Variants in EYA4 observed in about 807,000 individuals in gnomAD.
EYA4 encodes the protein protein phosphatase EYA4.
EYA4 carries 31 observed loss-of-function variants against 87.9 expected under a neutral mutation model. The observed-to-expected ratio is 0.35, with a 90% CI of 0.27 to 0.48. EYA4 has a LOEUF of 0.48. Among genes scored for constraint, EYA4 ranks in the 20% least tolerant of loss-of-function variants. The pLI is 0.99. For missense variants in EYA4, 678 were observed against 761.4 expected, an observed-to-expected ratio of 0.89 and a Z score of 1.29; for synonymous variants, 263 against 270.6, an observed-to-expected ratio of 0.97 and a Z score of 0.28.
intron 3 of EYA4, among the ~76,000 whole-genome samples, chr6:133,405,185 G>C (rs1408807830): frequency 6.6e-6 from 1 of 152,004 alleles, no homozygotes; most frequent in East Asian, 1.9e-4. Context: ...CTCCCTAACT[G>C]GACTTTGAGT....
intron 3 of EYA4, among the ~76,000 whole-genome samples, chr6:133,394,686 G>A (rs1446345845): frequency 6.6e-6 from 1 of 152,050 alleles, no homozygotes; most frequent in African/African-American, 2.4e-5. Flanking sequence ...GGAATATATC[G>A]AAAATGTTTA....
intron 9 of EYA4, among the ~76,000 whole-genome samples, chr6:133,463,963 T>G (rs144464761): frequency 0.014 from 1,701 of 122,700 alleles, 13 homozygotes; most frequent in Non-Finnish European, 0.02. Flanking sequence ...ACAGACAGTA[T>G]TTTTTTTTTT....
chr6:133,336,447 G>C (rs764895517), intron 2 of EYA4, among the ~76,000 whole-genome samples: 1 of 152,130 alleles, frequency 6.6e-6, no homozygotes, highest in Non-Finnish European at 1.5e-5. Context: ...CCACAATCAA[G>C]CCTCTAAACA....
At chr6:133,385,614 A>G (rs566281860) in intron 3 of EYA4, among the ~76,000 whole-genome samples, 1 of 152,282 alleles carries the variant, frequency 6.6e-6, no homozygotes, top group African/African-American at 2.4e-5. Context: ...CCTAAAGCTA[A>G]TATCATTCAT....
intron 16 of EYA4, among the ~76,000 whole-genome samples, chr6:133,513,650 T>C (rs1799351290): frequency 6.6e-6 from 1 of 152,168 alleles, no homozygotes; most frequent in Admixed American, 6.5e-5. Context: ...ATTTTACAGG[T>C]GATATCAAAA....
intron 11 of EYA4, 141 bp downstream of exon 11, chr6:133,468,872 A>G: frequency 1.2e-6 from 1 of 839,932 alleles, no homozygotes. Flanking sequence ...ATGACTGTGT[A>G]AGACGAGGCT....
At chr6:133,388,065 G>A (rs988389830) in intron 3 of EYA4, among the ~76,000 whole-genome samples, 3 of 152,054 alleles carry the variant, frequency 2.0e-5, no homozygotes, top group African/African-American at 7.3e-5. Flanking sequence ...TCAGATAATT[G>A]TCTGTGGTGT....
chr6:133,374,539 A>G (rs2128468414), intron 2 of EYA4, among the ~76,000 whole-genome samples: 1 of 152,106 alleles, frequency 6.6e-6, no homozygotes, highest in Admixed American at 6.6e-5. Context: ...CACTTAGAGT[A>G]TTTGATAGTA....
At chr6:133,379,949 C>T (rs961369238) in intron 2 of EYA4, among the ~76,000 whole-genome samples, 1 of 152,160 alleles carries the variant, frequency 6.6e-6, no homozygotes, top group Non-Finnish European at 1.5e-5. Context: ...AAATTCTTTA[C>T]CGTATATAAG....
intron 2 of EYA4, among the ~76,000 whole-genome samples, chr6:133,364,170 G>A (rs184237377): frequency 4.6e-5 from 7 of 152,290 alleles, no homozygotes; most frequent in African/African-American, 1.7e-4. Context: ...ATCTTGCTGT[G>A]TTTTTACTGT....
At chr6:133,383,095 A>G (rs1786375474) in intron 3 of EYA4, among the ~76,000 whole-genome samples, 1 of 152,226 alleles carries the variant, frequency 6.6e-6, no homozygotes, top group South Asian at 2.1e-4. Flanking sequence ...TATCGTAAAT[A>G]CTATGACAAT....
chr6:133,531,069 TCAAA>T lies in EYA4; in HGVS notation c.*2268_*2271del. ...ATCTAAATTTGTAAGTCTTTTCATA[TCAAA>T]CAAGCAAGGCTTTTTATGCTGCTAA... On this transcript the variant is annotated 3_prime_UTR_variant, in exon 20 of 20. Coordinates refer to ENST00000355286, the MANE Select transcript of EYA4 (RefSeq NM_004100.5). 7.1e-7 allele frequency: 1 copy of T among 1,409,206 alleles called. No individual in the cohort carries two copies. Among genetic ancestry groups the T allele is most frequent in the Non-Finnish European group, 9.2e-7 (1 of 1,084,448 alleles). The allele number at this position is 1,409,206 out of a possible 1,614,324, so 87.3% of individuals were successfully genotyped here. A position where few individuals can be genotyped will look rare whatever the true frequency, so the allele number is the denominator to read the frequency against.
At chr6:133,376,432 C>A (rs1020589443) in intron 2 of EYA4, among the ~76,000 whole-genome samples, 1 of 151,786 alleles carries the variant, frequency 6.6e-6, no homozygotes, top group Non-Finnish European at 1.5e-5. Flanking sequence ...CATTTCAAAA[C>A]AAAATGAAGT....
Position 133,446,347 on chromosome 6 carries a change from A to G in EYA4, c.84-283A>G, listed in dbSNP as rs557730856. 3.0e-3 allele frequency among the ~76,000 whole-genome samples: 450 copies of G among 152,236 alleles called. 3 individuals are homozygous for G. Among genetic ancestry groups the G allele is most frequent in the African/African-American group, 0.01 (436 of 41,542 alleles). ...ACATGTTTATTTTTGTGTTAGTAAT[A>G]ACATGTTTTCCATATTATGTTATAA... On this transcript the variant is annotated intron_variant, in intron 3 of 19. Transcript: ENST00000355286.
intron 3 of EYA4, among the ~76,000 whole-genome samples, chr6:133,385,397 G>C (rs1432488418): frequency 0.24 from 12,885 of 53,310 alleles, 991 homozygotes; most frequent in Middle Eastern, 0.43. Context: ...CTCTCTGTGT[G>C]TGTGTGTGTG....
chr6:133,270,930 G>C (rs1054954652), intron 1 of EYA4, among the ~76,000 whole-genome samples: 1 of 152,164 alleles, frequency 6.6e-6, no homozygotes, highest in Admixed American at 6.5e-5. Context: ...AAAGTGTCCA[G>C]GTGGCAATGT....
intron 3 of EYA4, among the ~76,000 whole-genome samples, chr6:133,415,798 G>T (rs900447285): frequency 1.3e-5 from 2 of 152,174 alleles, no homozygotes; most frequent in African/African-American, 4.8e-5. Flanking sequence ...CCAAGGTCCT[G>T]TGCCAGATAA....
At chr6:133,486,229 A>G (rs919811625) in intron 13 of EYA4, among the ~76,000 whole-genome samples, 1 of 152,176 alleles carries the variant, frequency 6.6e-6, no homozygotes, top group African/African-American at 2.4e-5. Flanking sequence ...TATTTCTCTA[A>G]AAGTTGTTTT....
intron 3 of EYA4, among the ~76,000 whole-genome samples, chr6:133,429,270 A>G (rs987856700): frequency 6.6e-6 from 1 of 152,098 alleles, no homozygotes; most frequent in African/African-American, 2.4e-5. Context: ...GTGAGAGGTG[A>G]ATACCTGAAT....
Sources: gnomAD v4.1 joint callset for allele counts (sites outside exome capture counted in the v4.1 genomes callset) on GRCh38, gnomAD v4.1.1 for gene constraint, MANE v1.5 for transcripts, NCBI Gene and HGNC (gene_info 2026-07-23, HGNC 2026-07-21) for gene names.